The following NXPE2 variants were observed in gnomAD, a reference collection of about 807,000 sequenced individuals.
NXPE2 encodes NXPE family member 2.
NXPE2 carries 34 observed loss-of-function variants against 34.4 expected under a neutral mutation model. The ratio of observed to expected loss-of-function variants is 0.99; its 90% CI spans 0.75 to 1.31. The LOEUF is 1.31. Ranked by LOEUF, NXPE2 falls within the 40% of genes most tolerant of loss-of-function variation. The pLI is 0.00. For synonymous variants in NXPE2, 235 were observed against 231.3 expected, an observed-to-expected ratio of 1.02 and a Z score of -0.15; for missense variants, 649 against 672.5, an observed-to-expected ratio of 0.97 and a Z score of 0.39.
At chr11:114,566,076 G>A in the NXPE2 span, among the ~76,000 whole-genome samples, 6 of 152,168 alleles carry the variant, frequency 3.9e-5, no homozygotes, top group African/African-American at 1.2e-4. Context: ...TATAAATCAA[G>A]AATTCTACTT....
intron 5 of NXPE2, 89 bp downstream of exon 5, chr11:114,706,085 ATTTATTTTATTTTATTTTAT>A: frequency 2.6e-6 from 1 of 382,126 alleles, no homozygotes. Flanking sequence ...CTTTTCTAAT[ATTTATTTTATTTTATTTTAT>A]TTTATTTTAT....
the NXPE2 span, among the ~76,000 whole-genome samples, chr11:114,809,116 A>G: frequency 5.9e-5 from 9 of 152,148 alleles, no homozygotes; most frequent in Non-Finnish European, 1.2e-4. Flanking sequence ...CAATAGATGC[A>G]GAAAAGGCCT....
the NXPE2 span, among the ~76,000 whole-genome samples, chr11:114,572,099 G>C: frequency 6.6e-6 from 1 of 152,134 alleles, no homozygotes; most frequent in Non-Finnish European, 1.5e-5. Context: ...ACACTCTCCA[G>C]TACCAGCCCA....
the NXPE2 span, among the ~76,000 whole-genome samples, chr11:114,782,606 A>T: frequency 3.9e-5 from 6 of 152,246 alleles, no homozygotes; most frequent in Admixed American, 6.5e-5. Context: ...ACTGAAGCTC[A>T]GATAAGTAGT....
At chr11:114,534,703 A>G in the NXPE2 span, among the ~76,000 whole-genome samples, 1 of 152,222 alleles carries the variant, frequency 6.6e-6, no homozygotes, top group African/African-American at 2.4e-5. Flanking sequence ...AGACGAAATG[A>G]ATGAAATGAA....
At chr11:114,540,836 T>G in the NXPE2 span, among the ~76,000 whole-genome samples, 1 of 93,626 alleles carries the variant, frequency 1.1e-5, no homozygotes, top group African/African-American at 4.0e-5. Flanking sequence ...TAGAAAGCCA[T>G]CTTTTTTTTT....
At chr11:114,601,460 A>G in the NXPE2 span, among the ~76,000 whole-genome samples, 1 of 122,614 alleles carries the variant, frequency 8.2e-6, no homozygotes, top group African/African-American at 3.1e-5. Context: ...TATATTATAT[A>G]TAATATAAAA....
the NXPE2 span, among the ~76,000 whole-genome samples, chr11:114,494,018 T>C: frequency 6.6e-6 from 1 of 152,188 alleles, no homozygotes; most frequent in Non-Finnish European, 1.5e-5. Flanking sequence ...GAATATGTTA[T>C]GCCACTCACT....
At chr11:114,654,060 T>C in the NXPE2 span, among the ~76,000 whole-genome samples, 89 of 152,188 alleles carry the variant, frequency 5.8e-4, no homozygotes, top group African/African-American at 2.0e-3. Flanking sequence ...GTAATGACAA[T>C]GATACAAAGT....
chr11:114,582,893 G>A, the NXPE2 span: 3 of 1,614,136 alleles, frequency 1.9e-6, no homozygotes, highest in Non-Finnish European at 8.5e-7. Flanking sequence ...GTTTCTCTAT[G>A]ATTTCCTTTA....
At chr11:114,709,260 T>C (rs1859566229), downstream of NXPE2, among the ~76,000 whole-genome samples, 1 of 152,268 alleles carries the variant, frequency 6.6e-6, no homozygotes, top group African/African-American at 2.4e-5. Context: ...GAAAGTATTT[T>C]TTAATGTTTT....
downstream of NXPE2, among the ~76,000 whole-genome samples, chr11:114,709,325 T>C (rs1179781558): frequency 2.0e-5 from 3 of 152,190 alleles, no homozygotes; most frequent in Non-Finnish European, 4.4e-5. Context: ...GTTATCATTT[T>C]TCGTGGTGAG....
chr11:114,544,685 T>C, the NXPE2 span, among the ~76,000 whole-genome samples: 1 of 152,006 alleles, frequency 6.6e-6, no homozygotes, highest in Non-Finnish European at 1.5e-5. Context: ...AGAAATAATA[T>C]AAAAAGCACA....
At chr11:114,803,394 C>T in the NXPE2 span, among the ~76,000 whole-genome samples, 1 of 152,152 alleles carries the variant, frequency 6.6e-6, no homozygotes, top group South Asian at 2.1e-4. Context: ...GTGGCTATAA[C>T]AAGATACCTT....
At chr11:114,777,807 C>G in the NXPE2 span, among the ~76,000 whole-genome samples, 1 of 152,204 alleles carries the variant, frequency 6.6e-6, no homozygotes, top group Non-Finnish European at 1.5e-5. Context: ...GCTTCAAATT[C>G]TATATCTGTG....
chr11:114,525,375 A>T, the NXPE2 span, among the ~76,000 whole-genome samples: 3 of 152,044 alleles, frequency 2.0e-5, no homozygotes, highest in Admixed American at 1.3e-4. Flanking sequence ...GAAGCAGAAG[A>T]TATAAAAAGA....
the NXPE2 span, among the ~76,000 whole-genome samples, chr11:114,654,670 A>G: frequency 6.6e-6 from 1 of 152,208 alleles, no homozygotes; most frequent in East Asian, 1.9e-4. Flanking sequence ...TTATGGATGC[A>G]TAGTATTCCA....
the NXPE2 span, among the ~76,000 whole-genome samples, chr11:114,507,376 C>T: frequency 6.6e-6 from 1 of 152,048 alleles, no homozygotes; most frequent in Non-Finnish European, 1.5e-5. Flanking sequence ...GGGACTCCTC[C>T]CTCATTCTAT....
chr11:114,622,548 T>C, the NXPE2 span, among the ~76,000 whole-genome samples: 3 of 152,116 alleles, frequency 2.0e-5, no homozygotes, highest in Non-Finnish European at 4.4e-5. Context: ...CTGTGGATAA[T>C]AGGTATTGCC....
Sources: allele counts gnomAD v4.1 joint callset (sites outside exome capture counted in the v4.1 genomes callset), GRCh38; gene constraint gnomAD v4.1.1; transcripts MANE v1.5; gene names NCBI Gene and HGNC (gene_info 2026-07-23, HGNC 2026-07-21).